The following SAMTOR variants were observed in gnomAD, a reference collection of about 807,000 sequenced individuals.
SAMTOR encodes the protein UPF0532 protein C7orf60.
the SAMTOR span, among the ~76,000 whole-genome samples, chr7:112,930,311 A>G: frequency 2.0e-5 from 3 of 152,174 alleles, no homozygotes; most frequent in South Asian, 6.2e-4. Flanking sequence ...ATACAGTGAC[A>G]CATCTAAAAG....
chr7:112,924,277 G>A, the SAMTOR span, among the ~76,000 whole-genome samples: 1,622 of 152,118 alleles, frequency 0.011, 31 homozygotes, highest in African/African-American at 0.037. Flanking sequence ...TCCACTTAAG[G>A]TTATTGAATT....
the SAMTOR span, among the ~76,000 whole-genome samples, chr7:112,830,041 C>A: frequency 6.6e-6 from 1 of 152,020 alleles, no homozygotes; most frequent in African/African-American, 2.4e-5. Flanking sequence ...TTTCAGTAGA[C>A]CATTCTAGAA....
chr7:112,923,882 T>C, the SAMTOR span, among the ~76,000 whole-genome samples: 4 of 152,220 alleles, frequency 2.6e-5, no homozygotes, highest in Admixed American at 2.6e-4. Context: ...GATGAGTTCA[T>C]GTCCTTTGTA....
the SAMTOR span, among the ~76,000 whole-genome samples, chr7:112,904,739 G>T: frequency 6.6e-6 from 1 of 151,872 alleles, no homozygotes; most frequent in Non-Finnish European, 1.5e-5. Flanking sequence ...AACTTGACTC[G>T]GTAGAAATAA....
chr7:112,852,073 T>C, the SAMTOR span, among the ~76,000 whole-genome samples: 1 of 152,096 alleles, frequency 6.6e-6, no homozygotes, highest in Admixed American at 6.6e-5. Flanking sequence ...ACTAAAAATG[T>C]AACTACCATT....
the SAMTOR span, among the ~76,000 whole-genome samples, chr7:112,919,194 G>C: frequency 1.3e-5 from 2 of 151,990 alleles, no homozygotes; most frequent in Non-Finnish European, 2.9e-5. Context: ...CCACATACTT[G>C]GAAGTAAAGC....
At chr7:112,829,461 A>G in the SAMTOR span, among the ~76,000 whole-genome samples, 1 of 152,152 alleles carries the variant, frequency 6.6e-6, no homozygotes, top group Non-Finnish European at 1.5e-5. Flanking sequence ...AACTGGTATT[A>G]TCTCTATTTT....
chr7:112,922,169 G>T, the SAMTOR span, among the ~76,000 whole-genome samples: 21 of 152,206 alleles, frequency 1.4e-4, no homozygotes, highest in African/African-American at 5.1e-4. Context: ...TGTTGGCCGG[G>T]CTGGTCTCCA....
the SAMTOR span, among the ~76,000 whole-genome samples, chr7:112,871,477 A>C: frequency 2.0e-5 from 3 of 152,210 alleles, no homozygotes; most frequent in African/African-American, 7.2e-5. Flanking sequence ...AACAAATGAA[A>C]ATATAAACAC....
At chr7:112,831,986 T>G in the SAMTOR span, among the ~76,000 whole-genome samples, 1 of 151,402 alleles carries the variant, frequency 6.6e-6, no homozygotes, top group Non-Finnish European at 1.5e-5. Flanking sequence ...TACAGCTATG[T>G]GGAATTCTGT....
chr7:112,852,926 ACT>A, the SAMTOR span, among the ~76,000 whole-genome samples: 1,617 of 151,572 alleles, frequency 0.011, 30 homozygotes, highest in African/African-American at 0.037. Flanking sequence ...GTGTAAAGAG[ACT>A]CTGTCACCGA....
chr7:112,892,619 A>G, the SAMTOR span, among the ~76,000 whole-genome samples: 1 of 152,040 alleles, frequency 6.6e-6, no homozygotes, highest in Non-Finnish European at 1.5e-5. Context: ...AAATTTTAAA[A>G]AAGTTAGCTG....
chr7:112,893,402 T>C, the SAMTOR span, among the ~76,000 whole-genome samples: 1 of 152,236 alleles, frequency 6.6e-6, no homozygotes, highest in East Asian at 1.9e-4. Context: ...AGATGGTTTC[T>C]TAGACCTCAT....
the SAMTOR span, among the ~76,000 whole-genome samples, chr7:112,897,171 G>A: frequency 5.3e-5 from 8 of 152,104 alleles, no homozygotes; most frequent in African/African-American, 1.7e-4. Context: ...ATAGGGTGTG[G>A]GGACGAGTGC....
chr7:112,821,687 A>G, the SAMTOR span: 14 of 1,473,428 alleles, frequency 9.5e-6, no homozygotes, highest in African/African-American at 1.6e-4. Flanking sequence ...AGTATTTCCA[A>G]TTGGTGTAAG....
At chr7:112,903,718 G>C in the SAMTOR span, among the ~76,000 whole-genome samples, 1 of 152,164 alleles carries the variant, frequency 6.6e-6, no homozygotes, top group African/African-American at 2.4e-5. Flanking sequence ...ACAAAAGTAA[G>C]ACTAAGTAGA....
At chr7:112,923,214 C>T in the SAMTOR span, among the ~76,000 whole-genome samples, 1 of 152,066 alleles carries the variant, frequency 6.6e-6, no homozygotes, top group Admixed American at 6.5e-5. Flanking sequence ...GTGCTGTGTC[C>T]ACTCAGGGTT....
At chr7:112,921,177 C>A in the SAMTOR span, among the ~76,000 whole-genome samples, 135 of 151,974 alleles carry the variant, frequency 8.9e-4, 3 homozygotes, top group East Asian at 0.012. Flanking sequence ...GGAGGCATCA[C>A]GCTACCTGAC....
chr7:112,925,620 C>T, the SAMTOR span, among the ~76,000 whole-genome samples: 1 of 151,920 alleles, frequency 6.6e-6, no homozygotes, highest in Admixed American at 6.6e-5. Context: ...ATGGTAAAAC[C>T]CTGCGTCTAC....
Sources: gnomAD v4.1 joint callset for allele counts (sites outside exome capture counted in the v4.1 genomes callset) on GRCh38, gnomAD v4.1.1 for gene constraint, MANE v1.5 for transcripts, NCBI Gene and HGNC (gene_info 2026-07-23, HGNC 2026-07-21) for gene names.